Variants in ST7L observed in about 807,000 individuals in gnomAD.
The protein encoded by ST7L is suppressor of tumorigenicity 7 protein-like.
Under a neutral mutation model 72.5 loss-of-function variants are expected in ST7L, and 57 were observed. The observed-to-expected ratio is 0.79, with a 90% CI of 0.64 to 0.98. The LOEUF is 0.98. Among genes scored for constraint, ST7L ranks in the 50% least tolerant of loss-of-function variants. The probability of loss-of-function intolerance (pLI) is 0.00; values close to 1 mark genes in which losing one functional copy is unlikely to be tolerated. For synonymous variants in ST7L, 221 were observed against 240.9 expected, an observed-to-expected ratio of 0.92 and a Z score of 0.77; for missense variants, 576 against 672.2, an observed-to-expected ratio of 0.86 and a Z score of 1.58.
chr1:112,523,359 A>C (rs1000769517), downstream of ST7L: 6 of 152,210 alleles, frequency 3.9e-5, no homozygotes, highest in Non-Finnish European at 8.8e-5. Context: ...ATAAGAGAGA[A>C]ATGATGTCCA....
chr1:112,540,949 TA>T, intron 14 of ST7L: 4 of 895,586 alleles, frequency 4.5e-6, no homozygotes, highest in Non-Finnish European at 6.2e-6. Context: ...TTATCTTTGC[TA>T]ATTTTACTTT....
chr1:112,601,077 G>T (rs1189594096), intron 3 of ST7L, among the ~76,000 whole-genome samples: 4 of 152,144 alleles, frequency 2.6e-5, no homozygotes, highest in Non-Finnish European at 5.9e-5. Flanking sequence ...ATTACAATGT[G>T]ATTATCTGCT....
intron 3 of ST7L, among the ~76,000 whole-genome samples, chr1:112,603,277 A>G (rs1334913363): frequency 1.3e-5 from 2 of 152,232 alleles, no homozygotes; most frequent in African/African-American, 2.4e-5. Flanking sequence ...TCAGTGAACA[A>G]GTATTTTCCA....
intron 4 of ST7L, among the ~76,000 whole-genome samples, 195 bp downstream of exon 4, chr1:112,600,599 A>C (rs988175878): frequency 6.6e-6 from 1 of 152,172 alleles, no homozygotes; most frequent in African/African-American, 2.4e-5. Flanking sequence ...CTATCTCTAA[A>C]AAATTTTAAT....
In ST7L at chr1:112,593,141, G is replaced by T. The variant is rs1665949402; in HGVS notation, c.623-1538C>A. Among the ~76,000 whole-genome samples the T allele has an allele frequency of 2.0e-5, 3 of 151,884 alleles. No homozygotes were observed. The South Asian group carries it at 6.2e-4, about 32-fold the overall frequency. ...TGTGTTTTTTTAAATTTCTAGTGAG[G>T]TCATCTAATTCACCTTTAAATATTT... On this transcript the variant is annotated intron_variant, in intron 5 of 14. Coordinates refer to ENST00000358039, the MANE Select transcript of ST7L (RefSeq NM_017744.5).
At chr1:112,612,473 A>C (rs1278277416) in intron 2 of ST7L, among the ~76,000 whole-genome samples, 3 of 152,172 alleles carry the variant, frequency 2.0e-5, no homozygotes, top group Non-Finnish European at 4.4e-5. Context: ...GCATTTTCAA[A>C]TCTGTAGGAA....
At chr1:112,548,999 T>TTGTGTG (rs71081247) in intron 13 of ST7L, among the ~76,000 whole-genome samples, 2,923 of 148,900 alleles carry the variant, frequency 0.02, 82 homozygotes, top group African/African-American at 0.066. Context: ...GCTTGTTACT[T>TTGTGTG]TGTGTGTGTG....
intron 4 of ST7L, 84 bp from the exon 5 acceptor site, chr1:112,598,170 T>C: frequency 1.2e-6 from 1 of 863,690 alleles, no homozygotes; most frequent in Non-Finnish European, 1.8e-6. Flanking sequence ...AATTCAAAAA[T>C]GTACTGCTAC....
At chr1:112,532,634 A>G (rs751636902) in intron 14 of ST7L, among the ~76,000 whole-genome samples, 2 of 152,216 alleles carry the variant, frequency 1.3e-5, no homozygotes, top group Non-Finnish European at 2.9e-5. Context: ...TTACAGAGTG[A>G]GGTCAGAAGG....
intron 4 of ST7L, among the ~76,000 whole-genome samples, chr1:112,600,313 C>T (rs564608093): frequency 6.6e-6 from 1 of 152,290 alleles, no homozygotes; most frequent in South Asian, 2.1e-4. Flanking sequence ...GCTGGGATTA[C>T]AGGCATGAGC....
chr1:112,599,073 AATATAT>A lies in ST7L; in HGVS notation c.507-993_507-988del, dbSNP rs71084479. Among the ~76,000 whole-genome samples the A allele has an allele frequency of 3.3e-3, 186 of 56,872 alleles. 6 individuals carry two copies. The highest frequency in any genetic ancestry group is 4.3e-3 in the African/African-American group (62 of 14,554). 37.3% of individuals were successfully genotyped at this position (56,872 alleles called of 152,430 possible). Reference sequence around the variant, plus strand: ...AGACTCAGCCTCAAAAAAAAAAAAAAATATATATATATATATATATATATATATATA... The same window carrying A: ...AGACTCAGCCTCAAAAAAAAAAAAAAATATATATATATATATATATATATA... On this transcript the variant is annotated intron_variant, in intron 4 of 14. Transcript: ENST00000358039.
chr1:112,605,976 T>C (rs1668177498), intron 3 of ST7L, among the ~76,000 whole-genome samples: 1 of 152,242 alleles, frequency 6.6e-6, no homozygotes, highest in Non-Finnish European at 1.5e-5. Flanking sequence ...AACAGCTCTA[T>C]GGTCTGGTCC....
intron 4 of ST7L, among the ~76,000 whole-genome samples, chr1:112,598,376 G>A (rs1666796622): frequency 1.3e-5 from 2 of 151,552 alleles, no homozygotes; most frequent in Non-Finnish European, 2.9e-5. Context: ...TGAGGCTGGT[G>A]AATGACTTGA....
Position 112,598,174 on chromosome 1 carries a change from C to T in ST7L, c.507-88G>A, listed in dbSNP as rs1246747940. The stretch of plus-strand genomic sequence containing the variant: ...GACACTACTTAAATTCAAAAATGTA[C>T]TGCTACACATTTGGATGTTTTAAAA... On this transcript the variant is annotated intron_variant, in intron 4 of 14. Coordinates refer to ENST00000358039, the MANE Select transcript of ST7L (RefSeq NM_017744.5). 4 of 799,682 alleles carry T rather than the reference C, an allele frequency of 5.0e-6. No individual in the cohort carries two copies. In the South Asian group the frequency reaches 6.4e-5, roughly 13 times the overall value. The allele number at this position is 799,682 out of a possible 1,614,324, so 49.5% of individuals were successfully genotyped here. A position where few individuals can be genotyped will look rare whatever the true frequency, so the allele number is the denominator to read the frequency against.
In ST7L at chr1:112,597,952, G is replaced by T. The variant is rs1193309469; in HGVS notation, c.622+19C>A. The T allele has an allele frequency of 1.3e-6, 2 of 1,551,836 alleles. No individual in the cohort carries two copies. The highest frequency in any genetic ancestry group is 2.3e-5 in the East Asian group (1 of 44,352). Reference sequence around the variant, plus strand: ...TCTTCATGATCACTGTTTATACTATGAACAGATATGATACATACCTGTGTC... The same window carrying T: ...TCTTCATGATCACTGTTTATACTATTAACAGATATGATACATACCTGTGTC... On this transcript the variant is annotated intron_variant, in intron 5 of 14. Coordinates refer to ENST00000358039, the MANE Select transcript of ST7L (RefSeq NM_017744.5).
intron 14 of ST7L, chr1:112,528,638 C>G (rs1653854629): frequency 6.6e-6 from 1 of 152,078 alleles, no homozygotes; most frequent in African/African-American, 2.4e-5. Flanking sequence ...GCTTACAGGC[C>G]CAGAACCTGG....
chr1:112,524,371 T>C lies in ST7L; in HGVS notation c.*1642A>G, dbSNP rs1653095028. The C allele has an allele frequency of 6.6e-6, 1 of 152,666 alleles. No homozygotes were observed. The highest frequency in any genetic ancestry group is 2.1e-4 in the South Asian group (1 of 4,832). The allele number at this position is 152,666 out of a possible 1,614,324, so 9.5% of individuals were successfully genotyped here. A position where few individuals can be genotyped will look rare whatever the true frequency, so the allele number is the denominator to read the frequency against. ...CCAGGGAGAGTATGTTTCTCATCCC[T>C]GGGAGGCATTCAGCCTAGCTCCTGC... On this transcript the variant is annotated 3_prime_UTR_variant, in exon 15 of 15. Transcript: ENST00000358039.
chr1:112,518,827 A>G (rs1652704876), downstream of ST7L, among the ~76,000 whole-genome samples: 1 of 152,212 alleles, frequency 6.6e-6, no homozygotes, highest in Non-Finnish European at 1.5e-5. Flanking sequence ...ATATGGAGCC[A>G]GGAATTCCCT....
At chr1:112,522,283 GCCTT>G (rs2101107325), downstream of ST7L, 1 of 152,386 alleles carries the variant, frequency 6.6e-6, no homozygotes, top group Admixed American at 6.5e-5. Flanking sequence ...TCCCACTGCA[GCCTT>G]CCAAAGTGCT....
Sources: allele counts gnomAD v4.1 joint callset (sites outside exome capture counted in the v4.1 genomes callset), GRCh38; gene constraint gnomAD v4.1.1; transcripts MANE v1.5; gene names NCBI Gene and HGNC (gene_info 2026-07-23, HGNC 2026-07-21).